Variants in CRHBP observed in about 807,000 individuals in gnomAD.
CRHBP encodes the protein corticotropin-releasing hormone-binding protein.
Under a neutral mutation model 34.9 loss-of-function variants are expected in CRHBP, and 19 were observed. That is an observed-to-expected ratio of 0.55 (90% confidence interval 0.38 to 0.80). The LOEUF (loss-of-function observed/expected upper bound fraction) is 0.80. CRHBP is among the 30% of genes least tolerant of loss of function. The probability of loss-of-function intolerance (pLI) is 0.00; values close to 1 mark genes in which losing one functional copy is unlikely to be tolerated. For synonymous variants in CRHBP, 154 were observed against 153.4 expected (o/e 1.00, Z -0.03); for missense variants, 328 against 409.2 (o/e 0.80, Z 1.71).
At chr5:76,954,614 C>A (rs1745639258) in intron 3 of CRHBP, among the ~76,000 whole-genome samples, 1 of 152,210 alleles carries the variant, frequency 6.6e-6, no homozygotes, top group Admixed American at 6.5e-5. Flanking sequence ...CCACACGTCT[C>A]ACATCTGAGC....
intron 6 of CRHBP, 142 bp from the exon 7 acceptor site, chr5:76,968,586 T>C (rs1457652164): frequency 1.5e-6 from 1 of 656,142 alleles, no homozygotes; most frequent in African/African-American, 1.8e-5. Flanking sequence ...ACATTTCAAC[T>C]GATAGTAGAT....
intron 2 of CRHBP, 51 bp from the exon 3 acceptor site, chr5:76,953,978 G>C (rs753739253): frequency 1.7e-5 from 27 of 1,557,930 alleles, no homozygotes; most frequent in Non-Finnish European, 1.9e-5. Context: ...CGAGGACGGC[G>C]CTGCGGCGGC....
At chr5:76,966,031 G>T (rs1313594429) in intron 6 of CRHBP, among the ~76,000 whole-genome samples, 7 of 152,110 alleles carry the variant, frequency 4.6e-5, no homozygotes, top group Non-Finnish European at 2.9e-5. Flanking sequence ...CCTTTCTTTT[G>T]TTTTGAGATG....
At chr5:76,975,825 A>AAAAAAAAAAATTATATATATATATAT in intron 2 of CRHBP, among the ~76,000 whole-genome samples, 1 of 61,860 alleles carries the variant, frequency 1.6e-5, no homozygotes, top group African/African-American at 9.1e-5. Flanking sequence ...AAAAAAAAAA[A>AAAAAAAAAAATTATATATATATATAT]ATATATATAT....
intron 3 of CRHBP, among the ~76,000 whole-genome samples, chr5:76,954,753 T>G (rs1745642101): frequency 6.6e-6 from 1 of 151,984 alleles, no homozygotes; most frequent in Non-Finnish European, 1.5e-5. Flanking sequence ...TAGATTGAGA[T>G]AGGTGGGAGG....
chr5:76,975,113 C>A (rs775809546), intron 2 of CRHBP, among the ~76,000 whole-genome samples: 21 of 152,182 alleles, frequency 1.4e-4, no homozygotes, highest in Non-Finnish European at 2.4e-4. Context: ...AAATGCAATT[C>A]CCCTGTTGAC....
intron 6 of CRHBP, among the ~76,000 whole-genome samples, chr5:76,967,475 C>T (rs1745876772): frequency 6.6e-6 from 1 of 152,054 alleles, no homozygotes. Flanking sequence ...AATTTAAAAA[C>T]ACCTTATAGA....
chr5:76,967,076 C>T (rs1470943065), intron 6 of CRHBP, among the ~76,000 whole-genome samples: 3 of 152,146 alleles, frequency 2.0e-5, no homozygotes, highest in Non-Finnish European at 4.4e-5. Flanking sequence ...AACCCCATCT[C>T]TATTCAAATT....
chr5:76,977,105 G>A (rs906772919), intron 3 of CRHBP, among the ~76,000 whole-genome samples: 2 of 152,106 alleles, frequency 1.3e-5, no homozygotes, highest in Non-Finnish European at 2.9e-5. Context: ...ACACTGACAC[G>A]CCAACTGCCA....
At chr5:76,957,974 C>T (rs1352924371) in intron 4 of CRHBP, among the ~76,000 whole-genome samples, 18 of 151,834 alleles carry the variant, frequency 1.2e-4, no homozygotes, top group Non-Finnish European at 2.2e-4. Context: ...GCCTGGCCAA[C>T]GTGGTGAAAC....
At chr5:76,954,328 G>A in intron 3 of CRHBP, 142 bp downstream of exon 3, 1 of 1,045,368 alleles carries the variant, frequency 9.6e-7, no homozygotes, top group South Asian at 1.7e-5. Flanking sequence ...GCCCGAGTCG[G>A]AGAGGCGCGT....
At chr5:76,974,204 A>G (rs574444971), downstream of CRHBP, among the ~76,000 whole-genome samples, 56 of 150,790 alleles carry the variant, frequency 3.7e-4, no homozygotes, top group Admixed American at 2.0e-4. Context: ...TTTAGTAGAG[A>G]CGGGGTTTCA....
chr5:76,963,602 AG>A, intron 6 of CRHBP, 142 bp downstream of exon 6: 1 of 670,370 alleles, frequency 1.5e-6, no homozygotes, highest in South Asian at 2.0e-5. Flanking sequence ...TGAGGATTTG[AG>A]GCTATATATA....
At chr5:76,971,234 A>T (rs1002041208), downstream of CRHBP, among the ~76,000 whole-genome samples, 1 of 152,204 alleles carries the variant, frequency 6.6e-6, no homozygotes, top group Non-Finnish European at 1.5e-5. Context: ...CAAGTCACTT[A>T]TAAGTCTCCA....
chr5:76,956,520 G>A (rs189628095), intron 4 of CRHBP, among the ~76,000 whole-genome samples: 10 of 152,254 alleles, frequency 6.6e-5, no homozygotes, highest in African/African-American at 2.4e-4. Flanking sequence ...CGGATCACGA[G>A]GTCAGGAGAT....
intron 3 of CRHBP, among the ~76,000 whole-genome samples, chr5:76,954,859 C>T (rs1391736461): frequency 6.6e-6 from 1 of 152,230 alleles, no homozygotes; most frequent in Non-Finnish European, 1.5e-5. Flanking sequence ...TGGAGCTCTA[C>T]TGTCCAATTA....
chr5:76,969,934 C>CTTTT (rs201228247), downstream of CRHBP, among the ~76,000 whole-genome samples: 176 of 61,640 alleles, frequency 2.9e-3, 17 homozygotes, highest in Non-Finnish European at 3.3e-3. Context: ...AAAGAAAATT[C>CTTTT]TTTTTTTTTT....
chr5:76,967,169 G>T (rs1745871526), intron 6 of CRHBP, among the ~76,000 whole-genome samples: 1 of 152,120 alleles, frequency 6.6e-6, no homozygotes, highest in Non-Finnish European at 1.5e-5. Context: ...TTGAACCTGG[G>T]AGGCAGAGGT....
At position 76,955,865 on chromosome 5, in the gene CRHBP, T is replaced by C; in HGVS notation, c.544+2T>C. ...TAAAGACAGACCCCAACCTCTTTCG[T>C]AAGTGTTCTCAGTCAAAAGGCAGAA... is the stretch of plus-strand genomic sequence containing the variant. On this transcript the variant is annotated splice_donor_variant, in intron 4 of 6. Transcript: ENST00000274368. LOFTEE classifies it high-confidence loss of function. 1 of 1,613,256 alleles carries C rather than the reference T, an allele frequency of 6.2e-7. No individual in the cohort carries two copies. The highest frequency in any genetic ancestry group is 8.5e-7 in the Non-Finnish European group (1 of 1,179,370).
Sources: gnomAD v4.1 joint callset for allele counts (sites outside exome capture counted in the v4.1 genomes callset) on GRCh38, gnomAD v4.1.1 for gene constraint, MANE v1.5 for transcripts, NCBI Gene and HGNC (gene_info 2026-07-23, HGNC 2026-07-21) for gene names.